The following GPC5 variants were observed in gnomAD, a reference collection of about 807,000 sequenced individuals.
GPC5 encodes the protein glypican 5.
A neutral mutation model predicts 53.9 loss-of-function variants in GPC5; 47 were observed. The observed-to-expected ratio is 0.87, with a 90% confidence interval of 0.69 to 1.11. The LOEUF is 1.11. Among genes scored for constraint, GPC5 ranks in the 50% most tolerant of loss-of-function variants. The pLI is 0.00. For missense variants in GPC5, 748 were observed against 713.1 expected (o/e 1.05, Z -0.56); for synonymous variants, 286 against 263.3 (o/e 1.09, Z -0.84).
At chr13:91,657,577 A>G (rs535901631) in intron 2 of GPC5, among the ~76,000 whole-genome samples, 32 of 152,250 alleles carry the variant, frequency 2.1e-4, no homozygotes, top group Admixed American at 1.9e-3. Flanking sequence ...CCCACCCAAA[A>G]CATGGATATT....
At chr13:92,168,226 A>G (rs746973650) in intron 7 of GPC5, among the ~76,000 whole-genome samples, 2 of 152,222 alleles carry the variant, frequency 1.3e-5, no homozygotes, top group African/African-American at 4.8e-5. Flanking sequence ...ACCCAAAACT[A>G]TAAAAACCCT....
At chr13:91,426,315 GCTCT>G (rs1013181215) in intron 1 of GPC5, among the ~76,000 whole-genome samples, 8 of 152,102 alleles carry the variant, frequency 5.3e-5, no homozygotes, top group Non-Finnish European at 7.4e-5. Context: ...AGGGCCCAGG[GCTCT>G]GCTGCTGTGT....
chr13:91,417,504 A>G (rs769935295), intron 1 of GPC5, among the ~76,000 whole-genome samples: 24 of 152,188 alleles, frequency 1.6e-4, no homozygotes, highest in Non-Finnish European at 3.5e-4. Context: ...TGCTGCAACC[A>G]TGGGTGCATT....
intron 2 of GPC5, among the ~76,000 whole-genome samples, chr13:91,526,364 G>T (rs1282082126): frequency 6.6e-6 from 1 of 152,154 alleles, no homozygotes; most frequent in Non-Finnish European, 1.5e-5. Flanking sequence ...GTAGGGAAGG[G>T]TGATGAGACA....
intron 7 of GPC5, among the ~76,000 whole-genome samples, chr13:92,838,463 A>C: frequency 1.3e-5 from 2 of 151,366 alleles, no homozygotes; most frequent in South Asian, 4.2e-4. Context: ...AGCCTGGGCT[A>C]CAGAGTGAGA....
At chr13:91,904,818 TG>T (rs2039536412) in intron 5 of GPC5, among the ~76,000 whole-genome samples, 1 of 151,904 alleles carries the variant, frequency 6.6e-6, no homozygotes, top group Non-Finnish European at 1.5e-5. Flanking sequence ...GAAGGTTGAG[TG>T]GAAGCACTGG....
intron 6 of GPC5, among the ~76,000 whole-genome samples, chr13:91,980,611 C>T (rs1044558071): frequency 4.6e-5 from 7 of 151,958 alleles, no homozygotes; most frequent in African/African-American, 1.7e-4. Context: ...TGTCCGATGT[C>T]CAGCTCTTTA....
chr13:91,817,475 G>A (rs1480537257), intron 5 of GPC5, among the ~76,000 whole-genome samples: 1 of 152,110 alleles, frequency 6.6e-6, no homozygotes, highest in Non-Finnish European at 1.5e-5. Flanking sequence ...TTAAGTATGC[G>A]AGATCTTTCC....
At chr13:92,351,980 G>A (rs983304398) in intron 7 of GPC5, among the ~76,000 whole-genome samples, 1 of 152,100 alleles carries the variant, frequency 6.6e-6, no homozygotes, top group Non-Finnish European at 1.5e-5. Context: ...GGTTTTTGTG[G>A]AAGAGTAAAG....
Position 92,391,597 on chromosome 13 carries a change from A to T in GPC5, c.1561+246608A>T, listed in dbSNP as rs1342677741. On this transcript the variant is annotated intron_variant, in intron 7 of 7. Transcript: ENST00000377067. ...TTTTGTAGTTGAAATGTTATACTAT[A>T]GATCAATTTATTTGCTACTAGCATG... 2.4e-4 allele frequency among the ~76,000 whole-genome samples: 36 copies of T among 152,180 alleles called. 1 individual carries two copies. The highest frequency in any genetic ancestry group is 2.4e-3 in the Admixed American group (36 of 15,262).
chr13:91,770,704 T>TTGTGTGTGTGTGTGTGTGTGTG lies in GPC5; in HGVS notation c.1280+14298_1280+14319dup, dbSNP rs71113759. Among the ~76,000 whole-genome samples the TTGTGTGTGTGTGTGTGTGTGTG allele has an allele frequency of 5.3e-4, 77 of 145,658 alleles. 1 individual carries two copies. Among genetic ancestry groups the TTGTGTGTGTGTGTGTGTGTGTG allele is most frequent in the African/African-American group, 7.8e-4 (31 of 39,704 alleles). On this transcript the variant is annotated intron_variant, in intron 5 of 7. Coordinates refer to ENST00000377067, the MANE Select transcript of GPC5 (RefSeq NM_004466.6). ...TTCAAAGACTGGGGAGACTGTGTGT[T>TTGTGTGTGTGTGTGTGTGTGTG]TGTGTGTGTGTGTGTGTGTGTGTGT...
intron 6 of GPC5, among the ~76,000 whole-genome samples, chr13:92,080,850 A>G (rs2041289393): frequency 6.6e-6 from 1 of 152,196 alleles, no homozygotes; most frequent in Admixed American, 6.5e-5. Context: ...TCCTACACAC[A>G]TTCTTCTAAT....
intron 7 of GPC5, among the ~76,000 whole-genome samples, chr13:92,442,436 G>T (rs1334170464): frequency 2.0e-5 from 3 of 152,148 alleles, no homozygotes; most frequent in African/African-American, 7.2e-5. Flanking sequence ...ATACCATAGA[G>T]TGAGGTATGC....
chr13:92,319,699 C>T (rs1450786959), intron 7 of GPC5, among the ~76,000 whole-genome samples: 1 of 152,122 alleles, frequency 6.6e-6, no homozygotes, highest in Non-Finnish European at 1.5e-5. Flanking sequence ...GTAGCTTGCA[C>T]TGATGAAGCA....
At chr13:91,963,724 GTA>G (rs1309870916) in intron 6 of GPC5, among the ~76,000 whole-genome samples, 4 of 152,056 alleles carry the variant, frequency 2.6e-5, no homozygotes, top group Admixed American at 6.6e-5. Context: ...GGCAGTGGGG[GTA>G]TAAGAATAGG....
chr13:92,676,952 T>C (rs998245163), intron 7 of GPC5, among the ~76,000 whole-genome samples: 19 of 152,064 alleles, frequency 1.2e-4, no homozygotes, highest in Admixed American at 1.2e-3. Flanking sequence ...AATTGGCCAA[T>C]ATTTTGATAT....
intron 7 of GPC5, among the ~76,000 whole-genome samples, chr13:92,252,544 A>G (rs1202712524): frequency 1.3e-5 from 2 of 152,036 alleles, no homozygotes; most frequent in Non-Finnish European, 2.9e-5. Flanking sequence ...TTGGGGTAAG[A>G]ATGTTATAGA....
At chr13:92,299,962 T>G (rs1335292957) in intron 7 of GPC5, among the ~76,000 whole-genome samples, 2 of 152,170 alleles carry the variant, frequency 1.3e-5, no homozygotes, top group African/African-American at 4.8e-5. Context: ...GTAAGGAGTG[T>G]TCCTTCCTTA....
chr13:91,515,151 T>C (rs2139346564), intron 2 of GPC5, among the ~76,000 whole-genome samples: 1 of 152,326 alleles, frequency 6.6e-6, no homozygotes, highest in Admixed American at 6.5e-5. Context: ...TACTTAAAAA[T>C]GCATAATTGA....
Sources: gnomAD v4.1 joint callset for allele counts (sites outside exome capture counted in the v4.1 genomes callset) on GRCh38, gnomAD v4.1.1 for gene constraint, MANE v1.5 for transcripts, NCBI Gene and HGNC (gene_info 2026-07-23, HGNC 2026-07-21) for gene names.